NFASC: variants seen among roughly 807,000 people sequenced by gnomAD.
NFASC encodes neurofascin homolog.
Under a neutral mutation model 147.5 loss-of-function variants are expected in NFASC, and 43 were observed. That is an observed-to-expected ratio of 0.29 (90% confidence interval 0.23 to 0.38). The LOEUF is 0.38. Among genes scored for constraint, NFASC ranks in the 10% least tolerant of loss-of-function variants. The probability of loss-of-function intolerance (pLI) is 1.00; values close to 1 mark genes in which losing one functional copy is unlikely to be tolerated. For synonymous variants in NFASC, 622 were observed against 665.5 expected (o/e 0.93, Z 1.01); for missense variants, 1,320 against 1,689.0 (o/e 0.78, Z 3.83).
At position 204,902,130 on chromosome 1, in the gene NFASC, C is replaced by T. The variant is rs116613887; in HGVS notation, c.-199-18502C>T. On this transcript the variant is annotated intron_variant, in intron 1 of 29. Coordinates refer to ENST00000339876, the MANE Select transcript of NFASC (RefSeq NM_001005388.3). Reference sequence around the variant, plus strand: ...GTAACATAGTGAGACCCCGTCTCTACAACAAGTTTTAAAAATTAGTTGGGC... The same window carrying T: ...GTAACATAGTGAGACCCCGTCTCTATAACAAGTTTTAAAAATTAGTTGGGC... Among the ~76,000 whole-genome samples the T allele has an allele frequency of 6.2e-3, 947 of 152,184 alleles. 7 individuals are homozygous for T. Among genetic ancestry groups the T allele is most frequent in the African/African-American group, 0.022 (906 of 41,526 alleles).
chr1:204,930,949 A>G (rs2092315364), intron 2 of NFASC, among the ~76,000 whole-genome samples: 1 of 152,156 alleles, frequency 6.6e-6, no homozygotes, highest in Non-Finnish European at 1.5e-5. Context: ...GGCTGCTCTG[A>G]GAAGGCAGAT....
At chr1:204,906,362 T>A (rs2085865251) in intron 1 of NFASC, among the ~76,000 whole-genome samples, 1 of 152,146 alleles carries the variant, frequency 6.6e-6, no homozygotes, top group Admixed American at 6.5e-5. Context: ...CTTTTTTGGG[T>A]TAATTCTCTC....
chr1:204,997,252 C>T lies in NFASC; in HGVS notation c.2865C>T (p.Thr955=), dbSNP rs370860555. The T allele has an allele frequency of 5.1e-5, 82 of 1,613,424 alleles. No individual in the cohort carries two copies. The highest frequency in any genetic ancestry group is 4.0e-4 in the African/African-American group (30 of 74,908). The change falls in exon 25 of 30, where the codon ACC becomes ACT. Residue 955 remains threonine (T), a synonymous_variant. Transcript: ENST00000339876. Reference sequence around the variant, plus strand: ...ATGCTACTGCCATTGCTGCCACCACCGAAGCCACAACAGTCCCCATCATCC... The same window carrying T: ...ATGCTACTGCCATTGCTGCCACCACTGAAGCCACAACAGTCCCCATCATCC... ...STDATAIAAT[T]EATTVPIIPT... is the part of the protein sequence containing the mutation.
rs998693747 is a variant in NFASC at position 204,988,923 on chromosome 1, C to T, written c.2767+117C>T. On this transcript the variant is annotated intron_variant, in intron 23 of 29. Transcript: ENST00000339876. ...TGGAGAGGAAATGAGACTTGCAAGT[C>T]CTCAAGCCCTCGGAAGGTGAGAACC... is the stretch of plus-strand genomic sequence containing the variant. 4 of 943,834 alleles carry T rather than the reference C, an allele frequency of 4.2e-6. No individual in the cohort carries two copies. In the African/African-American group the frequency reaches 6.5e-5, roughly 15 times the overall value. 58.5% of individuals were successfully genotyped at this position (943,834 alleles called of 1,614,324 possible).
At chr1:204,962,766 C>T (rs1285841054) in intron 8 of NFASC, among the ~76,000 whole-genome samples, 1 of 152,224 alleles carries the variant, frequency 6.6e-6, no homozygotes, top group Non-Finnish European at 1.5e-5. Context: ...ACCGTACCCT[C>T]TCACCTAGGC....
intron 1 of NFASC, among the ~76,000 whole-genome samples, chr1:204,903,322 T>C (rs1448194714): frequency 6.6e-6 from 1 of 152,202 alleles, no homozygotes; most frequent in Non-Finnish European, 1.5e-5. Context: ...AGTGTGTTTG[T>C]GGCTGGGCCA....
chr1:204,989,636 T>A (rs1358747319), intron 23 of NFASC: 1 of 152,148 alleles, frequency 6.6e-6, no homozygotes, highest in African/African-American at 2.4e-5. Context: ...AGAGATACAA[T>A]GGTCTATTCA....
intron 1 of NFASC, among the ~76,000 whole-genome samples, chr1:204,914,159 T>G (rs773948043): frequency 2.0e-5 from 3 of 152,186 alleles, no homozygotes; most frequent in Admixed American, 6.5e-5. Context: ...TTCAAACTGA[T>G]AAGAATCAAC....
chr1:204,979,184 C>A lies in NFASC; in HGVS notation c.1978+115C>A. 2 of 1,010,770 alleles carry A rather than the reference C, an allele frequency of 2.0e-6. No homozygotes were observed. Among genetic ancestry groups the A allele is most frequent in the South Asian group, 1.5e-5 (1 of 66,198 alleles). The allele number at this position is 1,010,770 out of a possible 1,614,324, so 62.6% of individuals were successfully genotyped here. Reference sequence around the variant, plus strand: ...TGCCTCGCTTGATGTGTGTCCTGGGCTAACCTCAGAATGTACAGAGGCCTT... The same window carrying A: ...TGCCTCGCTTGATGTGTGTCCTGGGATAACCTCAGAATGTACAGAGGCCTT... On this transcript the variant is annotated intron_variant, in intron 18 of 29. Transcript: ENST00000339876. The surrounding 1 kb of genome is among the most constrained non-coding windows in gnomAD (Gnocchi z 6.0).
chr1:204,867,086 GGT>G (rs2077167104), intron 1 of NFASC, among the ~76,000 whole-genome samples: 1 of 152,176 alleles, frequency 6.6e-6, no homozygotes. Flanking sequence ...GAGAAAAACA[GGT>G]GCAGTCGGAT....
At chr1:204,980,483 G>T (rs376343688) in intron 20 of NFASC, 43 bp downstream of exon 20, 24 of 1,446,790 alleles carry the variant, frequency 1.7e-5, no homozygotes, top group Non-Finnish European at 2.1e-5. Flanking sequence ...TCACCTTGCC[G>T]CATGCACCGG....
intron 1 of NFASC, among the ~76,000 whole-genome samples, chr1:204,834,438 C>T (rs1673096783): frequency 6.6e-6 from 1 of 152,072 alleles, no homozygotes; most frequent in Non-Finnish European, 1.5e-5. Flanking sequence ...GGGTCATGCC[C>T]TCACTCCCCT....
At position 205,020,338 on chromosome 1, in the gene NFASC, A is replaced by C. The variant is rs1027075739; in HGVS notation, c.*3799A>C. 6.6e-6 allele frequency: 1 copy of C among 152,392 alleles called. No individual in the cohort carries two copies. Among genetic ancestry groups the C allele is most frequent in the Non-Finnish European group, 1.5e-5 (1 of 68,078 alleles). The allele number at this position is 152,392 out of a possible 1,614,324, so 9.4% of individuals were successfully genotyped here. ...ACACCCAGTGCCCACGCATGCTCAC[A>C]TACATACAGCAGACCACAACCCTGT... is the stretch of plus-strand genomic sequence containing the variant. On this transcript the variant is annotated 3_prime_UTR_variant, in exon 30 of 30. Transcript: ENST00000339876.
intron 3 of NFASC, among the ~76,000 whole-genome samples, chr1:204,947,488 G>T (rs1179486070): frequency 4.6e-5 from 7 of 152,142 alleles, no homozygotes; most frequent in Non-Finnish European, 8.8e-5. Flanking sequence ...TTCTATTCTG[G>T]AGAGGCTGGG....
intron 1 of NFASC, among the ~76,000 whole-genome samples, chr1:204,889,180 C>CTAT (rs1313480775): frequency 6.6e-6 from 1 of 152,178 alleles, no homozygotes; most frequent in Non-Finnish European, 1.5e-5. Flanking sequence ...AAAACCAAAA[C>CTAT]TATTATTTTT....
At chr1:204,926,406 ATTTTTTTTTTTTT>A (rs1202294421) in intron 2 of NFASC, among the ~76,000 whole-genome samples, 1 of 14,110 alleles carries the variant, frequency 7.1e-5, no homozygotes, top group Non-Finnish European at 1.7e-4. Context: ...ATATATATAT[ATTTTTTTTTTTTT>A]TTTTTTTTTT....
At chr1:204,924,395 A>G (rs188295412) in intron 2 of NFASC, among the ~76,000 whole-genome samples, 155 of 152,300 alleles carry the variant, frequency 1.0e-3, no homozygotes, top group African/African-American at 3.6e-3. Context: ...AAAAAATGCA[A>G]CCGGGGATGT....
Position 204,905,419 on chromosome 1 carries a change from CGTT to C in NFASC, c.-199-15210_-199-15208del, listed in dbSNP as rs142832193. The stretch of plus-strand genomic sequence containing the variant: ...TTCTAATAGATATGAGAAGGTGTCT[CGTT>C]GTGGTTTTGATTTGCATTTCCCTAA... On this transcript the variant is annotated intron_variant, in intron 1 of 29. Transcript: ENST00000339876. Among the ~76,000 whole-genome samples the C allele has an allele frequency of 1.9e-3, 295 of 151,580 alleles. 1 individual carries two copies. The highest frequency in any genetic ancestry group is 6.5e-3 in the African/African-American group (270 of 41,316).
At chr1:204,981,771 C>G in intron 20 of NFASC, 27 bp from the exon 21 acceptor site, 1 of 1,471,094 alleles carries the variant, frequency 6.8e-7, no homozygotes, top group Non-Finnish European at 9.1e-7. Context: ...CTGGCAGCCT[C>G]TCCAGCCTGT....
Sources: allele counts gnomAD v4.1 joint callset (sites outside exome capture counted in the v4.1 genomes callset), GRCh38; gene constraint gnomAD v4.1.1; non-coding constraint Gnocchi (gnomAD v3.1); transcripts MANE v1.5; gene names NCBI Gene and HGNC (gene_info 2026-07-23, HGNC 2026-07-21).